Variants in ISLR2 observed in about 807,000 individuals in gnomAD.
The protein encoded by ISLR2 is immunoglobulin superfamily containing leucine-rich repeat protein 2.
ISLR2 carries 16 observed loss-of-function variants against 25.5 expected under a neutral mutation model. The ratio of observed to expected loss-of-function variants is 0.63; its 90% confidence interval spans 0.43 to 0.95. The LOEUF is 0.95. Ranked by LOEUF, ISLR2 falls within the 40% of genes least tolerant of loss-of-function variation. The pLI, the probability that ISLR2 is intolerant of heterozygous loss-of-function variation, is 0.00. For synonymous variants in ISLR2, 508 were observed against 486.6 expected, an observed-to-expected ratio of 1.04 and a Z score of -0.58; for missense variants, 883 against 1,030.7, an observed-to-expected ratio of 0.86 and a Z score of 1.96.
intron 2 of ISLR2, among the ~76,000 whole-genome samples, chr15:74,105,761 C>G (rs923907535): frequency 2.6e-5 from 4 of 152,078 alleles, no homozygotes; most frequent in African/African-American, 7.2e-5. Flanking sequence ...ATCACCATTC[C>G]TGGAGGAAAA....
downstream of ISLR2, among the ~76,000 whole-genome samples, chr15:74,138,990 A>G (rs1313000520): frequency 6.6e-6 from 1 of 152,120 alleles, no homozygotes; most frequent in Non-Finnish European, 1.5e-5. Flanking sequence ...CTCTTGTGGG[A>G]AGACAGGCCC....
Sources: gnomAD v4.1 joint callset for allele counts (sites outside exome capture counted in the v4.1 genomes callset) on GRCh38, gnomAD v4.1.1 for gene constraint, MANE v1.5 for transcripts, NCBI Gene and HGNC (gene_info 2026-07-23, HGNC 2026-07-21) for gene names.